The following PTPRK variants were observed in gnomAD, a reference collection of about 807,000 sequenced individuals.
The protein encoded by PTPRK is protein tyrosine phosphatase receptor type K, also known as receptor-type tyrosine-protein phosphatase kappa.
PTPRK carries 75 observed loss-of-function variants against 178.0 expected under a neutral mutation model. The ratio of observed to expected loss-of-function variants is 0.42; its 90% CI spans 0.35 to 0.51. PTPRK has a LOEUF of 0.51. Ranked by LOEUF, PTPRK falls within the 20% of genes least tolerant of loss-of-function variation. The pLI is 0.02. For missense variants in PTPRK, 1,441 were observed against 1,797.8 expected, an observed-to-expected ratio of 0.80 and a Z score of 3.59; for synonymous variants, 637 against 620.6, an observed-to-expected ratio of 1.03 and a Z score of -0.39.
chr6:128,370,701 T>A (rs1836153093), intron 2 of PTPRK, among the ~76,000 whole-genome samples: 1 of 152,126 alleles, frequency 6.6e-6, no homozygotes, highest in Non-Finnish European at 1.5e-5. Flanking sequence ...TGTAAATATG[T>A]TTTAGACTTT....
chr6:128,213,076 CT>C (rs566744176), intron 6 of PTPRK, among the ~76,000 whole-genome samples: 10 of 151,868 alleles, frequency 6.6e-5, no homozygotes, highest in South Asian at 4.2e-4. Context: ...TAGATACTAT[CT>C]TTTTTTTAAT....
intron 7 of PTPRK, among the ~76,000 whole-genome samples, chr6:128,091,996 A>C (rs1787052206): frequency 6.6e-6 from 1 of 152,142 alleles, no homozygotes; most frequent in South Asian, 2.1e-4. Flanking sequence ...AATGGATAGG[A>C]TTTACTTTAA....
chr6:128,210,163 C>A (rs1807838797), intron 6 of PTPRK, among the ~76,000 whole-genome samples: 1 of 151,936 alleles, frequency 6.6e-6, no homozygotes. Context: ...AAGTGTGGGG[C>A]ATTCAAAGGC....
At chr6:128,293,790 G>A (rs958724059) in intron 3 of PTPRK, among the ~76,000 whole-genome samples, 3 of 152,034 alleles carry the variant, frequency 2.0e-5, no homozygotes, top group Admixed American at 2.0e-4. Context: ...ACTAACTGAG[G>A]AAAAGAGGTA....
chr6:128,503,624 C>T (rs1314795043), intron 1 of PTPRK, among the ~76,000 whole-genome samples: 1 of 152,106 alleles, frequency 6.6e-6, no homozygotes, highest in African/African-American at 2.4e-5. Context: ...CAGATAAACT[C>T]TGTCATACAT....
chr6:127,979,395 T>C (rs1043096459), intron 25 of PTPRK, among the ~76,000 whole-genome samples: 1 of 152,278 alleles, frequency 6.6e-6, no homozygotes, highest in Non-Finnish European at 1.5e-5. Context: ...TATTATTTTC[T>C]CCTTTTCTTG....
At chr6:128,333,154 A>G (rs1830487591) in intron 2 of PTPRK, among the ~76,000 whole-genome samples, 1 of 152,208 alleles carries the variant, frequency 6.6e-6, no homozygotes, top group Admixed American at 6.5e-5. Context: ...CAAGATTGAA[A>G]TGAACAATTA....
intron 5 of PTPRK, 124 bp downstream of exon 5, chr6:128,239,911 C>T (rs1349865739): frequency 3.4e-6 from 2 of 585,602 alleles, no homozygotes; most frequent in African/African-American, 3.8e-5. Flanking sequence ...CAGCCTGTCC[C>T]ACTACATGCG....
At chr6:128,395,809 T>C (rs929296806) in intron 2 of PTPRK, among the ~76,000 whole-genome samples, 12 of 152,134 alleles carry the variant, frequency 7.9e-5, no homozygotes, top group African/African-American at 2.9e-4. Flanking sequence ...CAAAGGAAAT[T>C]ATGGCTCAGT....
chr6:128,486,367 G>A (rs1400370117), intron 1 of PTPRK, among the ~76,000 whole-genome samples: 3 of 151,686 alleles, frequency 2.0e-5, no homozygotes, highest in Non-Finnish European at 4.4e-5. Context: ...TGGATAAAGT[G>A]GTAAACTAAC....
intron 13 of PTPRK, among the ~76,000 whole-genome samples, chr6:128,026,591 CAT>C: frequency 6.6e-6 from 1 of 152,212 alleles, no homozygotes; most frequent in East Asian, 1.9e-4. Context: ...GTATTTGACA[CAT>C]AGCAGGAACT....
chr6:128,288,112 G>T (rs543110481), intron 3 of PTPRK, among the ~76,000 whole-genome samples: 2 of 152,120 alleles, frequency 1.3e-5, no homozygotes, highest in Non-Finnish European at 2.9e-5. Context: ...CAGATTTCTG[G>T]CTCTGTGATA....
chr6:128,250,933 T>C (rs1033537517), intron 3 of PTPRK, among the ~76,000 whole-genome samples: 7 of 152,218 alleles, frequency 4.6e-5, no homozygotes, highest in Non-Finnish European at 1.0e-4. Flanking sequence ...TTTGGAATTA[T>C]GGTTTCTCAA....
At chr6:128,024,822 A>T (rs554559816) in intron 13 of PTPRK, among the ~76,000 whole-genome samples, 2 of 152,212 alleles carry the variant, frequency 1.3e-5, no homozygotes, top group South Asian at 4.2e-4. Flanking sequence ...AAACAAAAAC[A>T]ACAACAACAA....
intron 2 of PTPRK, among the ~76,000 whole-genome samples, chr6:128,389,903 C>T (rs971174579): frequency 2.0e-5 from 3 of 151,948 alleles, no homozygotes; most frequent in Non-Finnish European, 4.4e-5. Context: ...TTTATGTCTG[C>T]GAGGGTAACA....
intron 1 of PTPRK, among the ~76,000 whole-genome samples, chr6:128,413,833 T>A (rs1000604397): frequency 2.0e-5 from 3 of 152,306 alleles, no homozygotes; most frequent in African/African-American, 7.2e-5. Flanking sequence ...ACCCAACTTT[T>A]CAAAACATGG....
intron 13 of PTPRK, among the ~76,000 whole-genome samples, chr6:128,033,786 A>G (rs559639581): frequency 2.1e-3 from 312 of 151,982 alleles, no homozygotes; most frequent in African/African-American, 7.0e-3. Flanking sequence ...CTGAGGGGGG[A>G]GTATTTCTTG....
intron 3 of PTPRK, among the ~76,000 whole-genome samples, chr6:128,270,516 A>G (rs972867952): frequency 3.9e-5 from 6 of 152,198 alleles, no homozygotes; most frequent in Non-Finnish European, 5.9e-5. Context: ...ACCATAACTA[A>G]TTAGTACACA....
chr6:128,322,669 T>C (rs1329891120), intron 2 of PTPRK, among the ~76,000 whole-genome samples: 1 of 150,318 alleles, frequency 6.7e-6, no homozygotes, highest in Non-Finnish European at 1.5e-5. Flanking sequence ...TTTAATATAA[T>C]ATATATATAT....
Sources: gnomAD v4.1 joint callset for allele counts (sites outside exome capture counted in the v4.1 genomes callset) on GRCh38, gnomAD v4.1.1 for gene constraint, MANE v1.5 for transcripts, NCBI Gene and HGNC (gene_info 2026-07-23, HGNC 2026-07-21) for gene names.